The following MYRIP variants were observed in gnomAD, a reference collection of about 807,000 sequenced individuals.
The protein encoded by MYRIP is myosin VIIA and Rab interacting protein.
Under a neutral mutation model 98.0 loss-of-function variants are expected in MYRIP, and 49 were observed. That is an observed-to-expected ratio of 0.50 (90% CI 0.40 to 0.63). MYRIP has a LOEUF of 0.63. Ranked by LOEUF, MYRIP falls within the 30% of genes least tolerant of loss-of-function variation. The pLI, the probability that MYRIP is intolerant of heterozygous loss-of-function variation, is 0.00. For missense variants in MYRIP, 1,004 were observed against 1,058.2 expected, an observed-to-expected ratio of 0.95 and a Z score of 0.71; for synonymous variants, 404 against 409.5, an observed-to-expected ratio of 0.99 and a Z score of 0.16.
At chr3:39,944,179 A>T (rs775366925) in intron 2 of MYRIP, among the ~76,000 whole-genome samples, 18 of 152,194 alleles carry the variant, frequency 1.2e-4, no homozygotes, top group Non-Finnish European at 2.4e-4. Context: ...ATAACTCAAA[A>T]TTACAAGTGT....
chr3:40,036,821 T>A (rs1200267828), intron 2 of MYRIP, among the ~76,000 whole-genome samples: 1 of 152,098 alleles, frequency 6.6e-6, no homozygotes, highest in Non-Finnish European at 1.5e-5. Context: ...TTAAGCATAA[T>A]TTTTGCAATT....
intron 2 of MYRIP, among the ~76,000 whole-genome samples, chr3:39,903,757 A>C (rs1559516521): frequency 1.3e-5 from 2 of 152,250 alleles, no homozygotes. Context: ...GAGAGATTAC[A>C]AAGCTTGCTC....
intron 1 of MYRIP, among the ~76,000 whole-genome samples, chr3:39,879,377 C>CTT (rs35697824): frequency 8.1e-5 from 12 of 147,738 alleles, no homozygotes; most frequent in African/African-American, 2.2e-4. Context: ...CCTTGGGTGA[C>CTT]TTTTTTTTTT....
chr3:40,195,829 A>G (rs550157120), intron 10 of MYRIP, among the ~76,000 whole-genome samples: 25 of 152,258 alleles, frequency 1.6e-4, no homozygotes, highest in African/African-American at 4.8e-4. Flanking sequence ...AACACTTTAT[A>G]TGACATAATA....
At chr3:40,247,599 C>T (rs1953246466) in intron 13 of MYRIP, among the ~76,000 whole-genome samples, 1 of 152,236 alleles carries the variant, frequency 6.6e-6, no homozygotes, top group Admixed American at 6.5e-5. Context: ...TCTTGGCTCA[C>T]TGCAACCTCC....
intron 1 of MYRIP, among the ~76,000 whole-genome samples, chr3:39,837,824 G>C (rs1252146952): frequency 6.6e-6 from 1 of 152,166 alleles, no homozygotes; most frequent in Non-Finnish European, 1.5e-5. Flanking sequence ...CCATTTTTGT[G>C]ATATTGATTC....
intron 8 of MYRIP, among the ~76,000 whole-genome samples, chr3:40,172,164 C>A (rs1014585333): frequency 6.6e-6 from 1 of 152,216 alleles, no homozygotes; most frequent in South Asian, 2.1e-4. Context: ...TCCGCAGATA[C>A]AGCAGACTCC....
At chr3:40,133,190 T>A (rs906946925) in intron 3 of MYRIP, among the ~76,000 whole-genome samples, 1 of 152,238 alleles carries the variant, frequency 6.6e-6, no homozygotes, top group Non-Finnish European at 1.5e-5. Context: ...AGAAAATTCA[T>A]GTCTATTGAG....
intron 11 of MYRIP, among the ~76,000 whole-genome samples, chr3:40,223,068 T>G (rs1559463244): frequency 1.3e-5 from 2 of 152,190 alleles, no homozygotes; most frequent in African/African-American, 4.8e-5. Context: ...GCAAAAAATG[T>G]GAAGTTAAAA....
chr3:39,857,258 G>GAAGGAAGGAAGGAAGGAAGC (rs1942330365), intron 1 of MYRIP, among the ~76,000 whole-genome samples: 2 of 151,132 alleles, frequency 1.3e-5, no homozygotes, highest in Non-Finnish European at 3.0e-5. Flanking sequence ...AGGGAGGGAG[G>GAAGGAAGGAAGGAAGGAAGC]AAGGAAGGAA....
At chr3:40,075,633 C>T (rs1948327695) in intron 3 of MYRIP, among the ~76,000 whole-genome samples, 3 of 152,262 alleles carry the variant, frequency 2.0e-5, no homozygotes, top group African/African-American at 2.4e-5. Flanking sequence ...AGAACAGTGC[C>T]ACCACAGAAT....
At chr3:40,031,957 T>G (rs1214070937) in intron 2 of MYRIP, among the ~76,000 whole-genome samples, 2 of 149,864 alleles carry the variant, frequency 1.3e-5, no homozygotes, top group Admixed American at 6.6e-5. Flanking sequence ...ATTCATTAAT[T>G]TTTTGAAGGG....
At chr3:39,845,893 C>T (rs1269344997) in intron 1 of MYRIP, among the ~76,000 whole-genome samples, 2 of 151,492 alleles carry the variant, frequency 1.3e-5, no homozygotes, top group East Asian at 3.9e-4. Flanking sequence ...CAGTAGTCAC[C>T]TGAAACTGAA....
At chr3:40,032,428 G>A (rs1460860556) in intron 2 of MYRIP, among the ~76,000 whole-genome samples, 1 of 152,096 alleles carries the variant, frequency 6.6e-6, no homozygotes, top group Non-Finnish European at 1.5e-5. Context: ...CATTTGCTGA[G>A]GAGAGCTTTA....
intron 8 of MYRIP, among the ~76,000 whole-genome samples, chr3:40,177,977 T>C (rs1382866869): frequency 6.6e-6 from 1 of 152,202 alleles, no homozygotes; most frequent in Non-Finnish European, 1.5e-5. Context: ...AAAGTACTTT[T>C]TGTCATTGCT....
chr3:39,817,011 C>T lies in MYRIP; in HGVS notation c.-31+7095C>T, dbSNP rs190927313. 1.1e-4 allele frequency among the ~76,000 whole-genome samples: 16 copies of T among 152,298 alleles called. No homozygotes were observed. In the East Asian group the frequency reaches 2.9e-3, roughly 28 times the overall value. On this transcript the variant is annotated intron_variant, in intron 1 of 16. Transcript: ENST00000302541. ...CCCATTGTGATGTCTTAAGATAGCACTAACGAGTGTCTGCCTACTAAGCAT... is the reference window on the plus strand; with the variant it reads ...CCCATTGTGATGTCTTAAGATAGCATTAACGAGTGTCTGCCTACTAAGCAT...
chr3:39,912,274 A>G (rs6599057), intron 2 of MYRIP, among the ~76,000 whole-genome samples: 67,059 of 151,994 alleles, frequency 0.44, 15,048 homozygotes, highest in East Asian at 0.54. Context: ...GGCTCTCCAG[A>G]TATGGTGATG....
chr3:39,983,318 T>G (rs2125761428), intron 2 of MYRIP, among the ~76,000 whole-genome samples: 1 of 152,342 alleles, frequency 6.6e-6, no homozygotes, highest in African/African-American at 2.4e-5. Flanking sequence ...AGGTAATAGT[T>G]GTTTACTTGG....
At chr3:40,149,767 T>C (rs570191951) in intron 3 of MYRIP, among the ~76,000 whole-genome samples, 15 of 152,226 alleles carry the variant, frequency 9.9e-5, no homozygotes, top group Admixed American at 4.6e-4. Context: ...TGGTTCTTTG[T>C]TACCTTTATG....
Sources: gnomAD v4.1 joint callset for allele counts (sites outside exome capture counted in the v4.1 genomes callset) on GRCh38, gnomAD v4.1.1 for gene constraint, MANE v1.5 for transcripts, NCBI Gene and HGNC (gene_info 2026-07-23, HGNC 2026-07-21) for gene names.